TSLP: variants seen among roughly 807,000 people sequenced by gnomAD.
TSLP encodes thymic stromal lymphopoietin, also known as thymic stroma-derived lymphopoietin.
TSLP carries 12 observed loss-of-function variants against 12.4 expected under a neutral mutation model. The ratio of observed to expected loss-of-function variants is 0.97; its 90% CI spans 0.62 to 1.57. TSLP has a LOEUF of 1.57. Ranked by LOEUF, TSLP falls within the 40% of genes most tolerant of loss-of-function variation. The pLI, the probability that TSLP is intolerant of heterozygous loss-of-function variation, is 0.00. For missense variants in TSLP, 222 were observed against 189.6 expected, an observed-to-expected ratio of 1.17 and a Z score of -1.00; for synonymous variants, 97 against 69.5, an observed-to-expected ratio of 1.40 and a Z score of -1.97.
chr5:111,072,842 G>T, intron 1 of TSLP, 46 bp from the exon 2 acceptor site: 1 of 1,599,298 alleles, frequency 6.3e-7, no homozygotes, highest in Non-Finnish European at 8.6e-7. Context: ...TTTCCTTGTG[G>T]ACTTAAAAGT....
chr5:111,071,866 C>T lies in TSLP; in HGVS notation c.-25C>T, dbSNP rs769818116. The stretch of plus-strand genomic sequence containing the variant: ...GTGGTGGGAAGAGTTTAGTGTGAAA[C>T]TGGGGTGGAATTGGGTGTCCACGTA... On this transcript the variant is annotated 5_prime_UTR_variant, in exon 1 of 4. Coordinates refer to ENST00000344895, the MANE Select transcript of TSLP (RefSeq NM_033035.5). 2.5e-6 allele frequency: 4 copies of T among 1,608,082 alleles called. No individual in the cohort carries two copies. In the East Asian group the frequency reaches 8.9e-5, roughly 36 times the overall value.
Position 111,077,565 on chromosome 5 carries a change from C to A in TSLP, c.*1491C>A, listed in dbSNP as rs938814207. On this transcript the variant is annotated 3_prime_UTR_variant, in exon 4 of 4. Coordinates refer to ENST00000344895, the MANE Select transcript of TSLP (RefSeq NM_033035.5). ...TTAAATGCTATTGTAAGAGAAATTTCTTTGTCTATTAACTCCATTTTAGTA... is the reference window on the plus strand; with the variant it reads ...TTAAATGCTATTGTAAGAGAAATTTATTTGTCTATTAACTCCATTTTAGTA... 1.3e-5 allele frequency: 2 copies of A among 152,520 alleles called. No individual in the cohort carries two copies. The highest frequency in any genetic ancestry group is 4.8e-5 in the African/African-American group (2 of 41,454). 9.4% of individuals were successfully genotyped at this position (152,520 alleles called of 1,614,324 possible). A position where few individuals can be genotyped will look rare whatever the true frequency, so the allele number is the denominator to read the frequency against.
At position 111,071,913 on chromosome 5, in the gene TSLP, A is replaced by G. The variant is rs564641413; in HGVS notation, c.23A>G (p.Tyr8Cys). 1.1e-5 allele frequency: 17 copies of G among 1,614,112 alleles called. No homozygotes were observed. The African/African-American group carries it at 1.7e-4, about 16-fold the overall frequency. The change falls in exon 1 of 4, where the codon TAT becomes TGT. Residue 8 changes from tyrosine (Y) to cysteine (C), a missense_variant. Transcript: ENST00000344895. MFPFALLYVLSVSFRKIF... is the reference protein window; with the variant it reads MFPFALLCVLSVSFRKIF... ...CGTATGTTCCCTTTTGCCTTACTAT[A>G]TGTTCTGTCAGTTTCTTTCAGGAAA...
intron 2 of TSLP, 120 bp from the exon 3 acceptor site, chr5:111,073,391 C>T: frequency 6.4e-7 from 1 of 1,552,808 alleles, no homozygotes; most frequent in Non-Finnish European, 8.7e-7. Flanking sequence ...CTCTGACTCT[C>T]GACTTGTGTT....
chr5:111,076,125 T>C lies in TSLP; in HGVS notation c.*51T>C, dbSNP rs1300777117. ...ACAGCACCAAAATAAATCATCTTTA[T>C]TAAGTAGATGAAACATTAACTCTAA... is the stretch of plus-strand genomic sequence containing the variant. On this transcript the variant is annotated 3_prime_UTR_variant, in exon 4 of 4. Transcript: ENST00000344895. 1.9e-6 allele frequency: 3 copies of C among 1,593,000 alleles called. No homozygotes were observed. Among genetic ancestry groups the C allele is most frequent in the Non-Finnish European group, 1.7e-6 (2 of 1,165,192 alleles).
chr5:111,071,557 C>T, upstream of TSLP: 1 of 1,528,556 alleles, frequency 6.5e-7, no homozygotes, highest in Non-Finnish European at 8.8e-7. Flanking sequence ...TGTTAAAATT[C>T]CATAGATTTA....
chr5:111,072,105 G>T (rs745731812), intron 1 of TSLP, 44 bp downstream of exon 1: 54 of 1,541,698 alleles, frequency 3.5e-5, no homozygotes, highest in Non-Finnish European at 4.6e-5. Flanking sequence ...TTTCATCAGA[G>T]GAGTCGGCAT....
intron 3 of TSLP, among the ~76,000 whole-genome samples, chr5:111,074,916 C>A (rs1752457724): frequency 6.6e-6 from 1 of 152,126 alleles, no homozygotes; most frequent in African/African-American, 2.4e-5. Flanking sequence ...CCATGCCCAG[C>A]CAAAACTGTC....
In TSLP at chr5:111,076,268, G is replaced by A. The variant is rs1752505078; in HGVS notation, c.*194G>A. 1.7e-6 allele frequency: 1 copy of A among 598,134 alleles called. No individual in the cohort carries two copies. Among genetic ancestry groups the A allele is most frequent in the Non-Finnish European group, 2.8e-6 (1 of 353,394 alleles). The allele number at this position is 598,134 out of a possible 1,614,324, so 37.1% of individuals were successfully genotyped here. A position where few individuals can be genotyped will look rare whatever the true frequency, so the allele number is the denominator to read the frequency against. ...GCAGGGGAAGTACTACTCCTCAAAT[G>A]TTGAGGGAAGCTTCCATAACATTGA... On this transcript the variant is annotated 3_prime_UTR_variant, in exon 4 of 4. Coordinates refer to ENST00000344895, the MANE Select transcript of TSLP (RefSeq NM_033035.5).
At chr5:111,072,958 G>A (rs377004242) in intron 2 of TSLP, 26 bp downstream of exon 2, 6 of 1,613,524 alleles carry the variant, frequency 3.7e-6, no homozygotes, top group Non-Finnish European at 5.1e-6. Context: ...AGTGCTGCTG[G>A]CTTTCTCCAG....
upstream of TSLP, chr5:111,071,652 T>C (rs1196853459): frequency 2.8e-6 from 4 of 1,421,790 alleles, no homozygotes; most frequent in Non-Finnish European, 3.7e-6. Flanking sequence ...ATCATTGGCC[T>C]AGGAGAAAAG....
At chr5:111,071,553 A>C (rs1222353211), upstream of TSLP, 1 of 1,535,556 alleles carries the variant, frequency 6.5e-7, no homozygotes, top group South Asian at 1.3e-5. Flanking sequence ...CTGATGTTAA[A>C]ATTCCATAGA....
At chr5:111,072,436 CCAG>C (rs1321662014) in intron 1 of TSLP, among the ~76,000 whole-genome samples, 3 of 152,136 alleles carry the variant, frequency 2.0e-5, no homozygotes, top group African/African-American at 7.2e-5. Context: ...ATGCTGTGCT[CCAG>C]GTCTCTCCAG....
chr5:111,071,798 G>C lies in TSLP; in HGVS notation c.-93G>C. 6.8e-7 allele frequency: 1 copy of C among 1,474,032 alleles called. No homozygotes were observed. Among genetic ancestry groups the C allele is most frequent in the South Asian group, 1.3e-5 (1 of 76,770 alleles). The allele number at this position is 1,474,032 out of a possible 1,614,324, so 91.3% of individuals were successfully genotyped here. A position where few individuals can be genotyped will look rare whatever the true frequency, so the allele number is the denominator to read the frequency against. On this transcript the variant is annotated 5_prime_UTR_variant, in exon 1 of 4. Transcript: ENST00000344895. ...CAATGAGAGGCAAAACCTGGTGCTT[G>C]AGCACTGGCCCCTAAGGCAGGCCTT... is the stretch of plus-strand genomic sequence containing the variant.
In TSLP at chr5:111,073,515, A is replaced by G; in HGVS notation, c.221A>G (p.His74Arg). The change falls in exon 3 of 4, where the codon CAT becomes CGT. Residue 74 changes from histidine (H) to arginine (R), a missense_variant. Coordinates refer to ENST00000344895, the MANE Select transcript of TSLP (RefSeq NM_033035.5). ...NNTVSCSNRP[H>R]CLTEIQSLTF... Reference sequence around the variant, plus strand: ...AACTTTGCCGCCTATGAGCAGCCACATTGCCTTACTGAAATCCAGAGCCTA... The same window carrying G: ...AACTTTGCCGCCTATGAGCAGCCACGTTGCCTTACTGAAATCCAGAGCCTA... 3 of 1,613,968 alleles carry G rather than the reference A, an allele frequency of 1.9e-6. No homozygotes were observed. Among genetic ancestry groups the G allele is most frequent in the South Asian group, 1.1e-5 (1 of 91,062 alleles).
chr5:111,072,770 C>A, intron 1 of TSLP, 118 bp from the exon 2 acceptor site: 1 of 995,780 alleles, frequency 1.0e-6, no homozygotes. Context: ...GAAAAAGGTA[C>A]CTGAGTGGAA....
rs756380227 is a variant in TSLP at position 111,073,489 on chromosome 5, A to C, written c.217-22A>C. The C allele has an allele frequency of 3.7e-6, 6 of 1,613,482 alleles. No homozygotes were observed. In the African/African-American group the frequency reaches 6.7e-5, roughly 18 times the overall value. ...CTCTGGTGTTTTCTCCTTTTCTCGT[A>C]AACTTTGCCGCCTATGAGCAGCCAC... On this transcript the variant is annotated intron_variant, in intron 2 of 3. Coordinates refer to ENST00000344895, the MANE Select transcript of TSLP (RefSeq NM_033035.5).
At chr5:111,074,222 G>T (rs1336517202) in intron 3 of TSLP, among the ~76,000 whole-genome samples, 2 of 152,122 alleles carry the variant, frequency 1.3e-5, no homozygotes, top group African/African-American at 2.4e-5. Flanking sequence ...TTGAATGCTC[G>T]TGTAGCATTA....
chr5:111,077,471 T>C lies in TSLP; in HGVS notation c.*1397T>C, dbSNP rs1752544707. The C allele has an allele frequency of 6.6e-6, 1 of 152,204 alleles. No homozygotes were observed. The highest frequency in any genetic ancestry group is 2.4e-5 in the African/African-American group (1 of 41,446). The allele number at this position is 152,204 out of a possible 1,614,324, so 9.4% of individuals were successfully genotyped here. On this transcript the variant is annotated 3_prime_UTR_variant, in exon 4 of 4. Coordinates refer to ENST00000344895, the MANE Select transcript of TSLP (RefSeq NM_033035.5). The stretch of plus-strand genomic sequence containing the variant: ...GGGTATAGCTGAATAGGCAGTTTCT[T>C]TTGTCCTGAGGAAAATCAGGACATG...
Sources: allele counts gnomAD v4.1 joint callset (sites outside exome capture counted in the v4.1 genomes callset), GRCh38; gene constraint gnomAD v4.1.1; transcripts MANE v1.5; gene names NCBI Gene and HGNC (gene_info 2026-07-23, HGNC 2026-07-21).